Variants in SORCS1 observed in about 807,000 individuals in gnomAD.
SORCS1 encodes sortilin related VPS10 domain containing receptor 1.
SORCS1 carries 60 observed loss-of-function variants against 146.1 expected under a neutral mutation model. The observed-to-expected ratio is 0.41, with a 90% confidence interval of 0.33 to 0.51. SORCS1 has a LOEUF of 0.51. SORCS1 is among the 20% of genes least tolerant of loss of function. The probability of loss-of-function intolerance (pLI) is 0.21; values close to 1 mark genes in which losing one functional copy is unlikely to be tolerated. For missense variants in SORCS1, 1,352 were observed against 1,487.6 expected (o/e 0.91, Z 1.50); for synonymous variants, 637 against 584.0 (o/e 1.09, Z -1.31).
intron 1 of SORCS1, among the ~76,000 whole-genome samples, chr10:107,151,000 G>A (rs1416576087): frequency 1.3e-5 from 2 of 149,310 alleles, no homozygotes; most frequent in East Asian, 3.9e-4. Context: ...CTGAGTAGTG[G>A]GGCACTGCTG....
intron 4 of SORCS1, among the ~76,000 whole-genome samples, chr10:106,768,096 T>C (rs1188553082): frequency 6.6e-6 from 1 of 152,232 alleles, no homozygotes; most frequent in African/African-American, 2.4e-5. Flanking sequence ...TAGGCCTTCC[T>C]TGTTTGCATA....
chr10:107,163,694 C>A (rs1969876969), intron 1 of SORCS1, among the ~76,000 whole-genome samples: 1 of 152,094 alleles, frequency 6.6e-6, no homozygotes, highest in Admixed American at 6.6e-5. Flanking sequence ...CAGTTCCACA[C>A]ACCAATGCGA....
intron 3 of SORCS1, among the ~76,000 whole-genome samples, chr10:106,800,685 C>A (rs11595573): frequency 1.3e-5 from 2 of 151,846 alleles, no homozygotes; most frequent in African/African-American, 4.8e-5. Flanking sequence ...CCACACCCAG[C>A]TAATTTTTTT....
chr10:106,881,139 A>G (rs1950792830), intron 2 of SORCS1, among the ~76,000 whole-genome samples: 1 of 152,008 alleles, frequency 6.6e-6, no homozygotes, highest in Admixed American at 6.5e-5. Flanking sequence ...ACAAAGAGCA[A>G]TGACTTTAGA....
At chr10:107,136,286 T>C (rs181847312) in intron 1 of SORCS1, among the ~76,000 whole-genome samples, 94 of 152,346 alleles carry the variant, frequency 6.2e-4, no homozygotes, top group African/African-American at 2.1e-3. Context: ...ACAAAAGTCC[T>C]GGCTTTCTTC....
At chr10:106,715,093 C>G (rs1855270543) in intron 6 of SORCS1, among the ~76,000 whole-genome samples, 1 of 152,140 alleles carries the variant, frequency 6.6e-6, no homozygotes, top group Non-Finnish European at 1.5e-5. Context: ...AAGAAACTGG[C>G]TGCACTTCAT....
intron 4 of SORCS1, among the ~76,000 whole-genome samples, chr10:106,763,282 T>C (rs984710439): frequency 4.9e-4 from 74 of 152,272 alleles, no homozygotes; most frequent in East Asian, 1.9e-4. Context: ...TGAGGAATTG[T>C]TGGGCGCCAG....
In SORCS1 at chr10:106,944,871, C is replaced by CTTTTTTTTTT. The variant is rs1564838013; in HGVS notation, c.626+11641_626+11642insAAAAAAAAAA. On this transcript the variant is annotated intron_variant, in intron 2 of 25. Coordinates refer to ENST00000263054, the MANE Select transcript of SORCS1 (RefSeq NM_052918.5). ...ATGGTAGAAAGAAGCAAGAAAGAGC[C>CTTTTTTTTTT]TTCTTTTTTTTTTTTTTTTTTTTTT... is the stretch of plus-strand genomic sequence containing the variant. Among the ~76,000 whole-genome samples the CTTTTTTTTTT allele has an allele frequency of 5.0e-3, 304 of 61,014 alleles. 48 individuals carry two copies. The highest frequency in any genetic ancestry group is 0.011 in the African/African-American group (250 of 22,382). 40.0% of individuals were successfully genotyped at this position (61,014 alleles called of 152,430 possible).
intron 4 of SORCS1, among the ~76,000 whole-genome samples, chr10:106,771,955 G>A (rs1265456168): frequency 6.6e-6 from 1 of 152,182 alleles, no homozygotes; most frequent in Non-Finnish European, 1.5e-5. Context: ...AGTGGTGCCT[G>A]GATAGCCACA....
intron 1 of SORCS1, among the ~76,000 whole-genome samples, chr10:107,118,281 G>C (rs7100906): frequency 0.087 from 13,300 of 152,160 alleles, 662 homozygotes; most frequent in African/African-American, 0.15. Flanking sequence ...CTTGATCTTG[G>C]ACTTCCCAGC....
In SORCS1 at chr10:106,863,056, A is replaced by T. The variant is rs1950084597; in HGVS notation, c.627-33383T>A. Among the ~76,000 whole-genome samples, 6 of 152,104 alleles carry T rather than the reference A, an allele frequency of 3.9e-5. No homozygotes were observed. The South Asian group carries it at 1.2e-3, about 32-fold the overall frequency. On this transcript the variant is annotated intron_variant, in intron 2 of 25. Transcript: ENST00000263054. ...AGAAAAAATCTGATAATATTTCTTT[A>T]GAAGTTGATTTCCCCCCAAACAAAC...
chr10:107,122,998 T>C (rs1966492578), intron 1 of SORCS1, among the ~76,000 whole-genome samples: 1 of 150,978 alleles, frequency 6.6e-6, no homozygotes, highest in South Asian at 2.1e-4. Context: ...GAAATCATAT[T>C]CCTCTCCACC....
At position 106,577,448 on chromosome 10, in the gene SORCS1, C is replaced by G; in HGVS notation, c.3479G>C (p.Gly1160Ala). ...HATPPSTPKRGSAGAQYAI is the reference protein window; with the variant it reads ...HATPPSTPKRASAGAQYAI ...AATTGCATACTGTGCCCCAGCAGAT[C>G]CCCGCTTTGGCGTTGAAGGCGGAGT... The change falls in exon 26 of 26, where the codon GGA becomes GCA. Residue 1160 changes from glycine (G) to alanine (A), a missense_variant. Coordinates refer to ENST00000263054, the MANE Select transcript of SORCS1 (RefSeq NM_052918.5). 6.2e-7 allele frequency: 1 copy of G among 1,614,042 alleles called. No individual in the cohort carries two copies. Among genetic ancestry groups the G allele is most frequent in the Non-Finnish European group, 8.5e-7 (1 of 1,179,932 alleles).
intron 23 of SORCS1, among the ~76,000 whole-genome samples, chr10:106,606,580 G>A (rs1451882945): frequency 6.6e-5 from 10 of 151,932 alleles, no homozygotes; most frequent in Non-Finnish European, 8.8e-5. Flanking sequence ...TTTTTGTGTT[G>A]GTATACATAG....
intron 24 of SORCS1, among the ~76,000 whole-genome samples, chr10:106,593,479 G>A (rs1845733915): frequency 6.6e-6 from 1 of 152,158 alleles, no homozygotes. Flanking sequence ...GACCAGCATA[G>A]CCAAACTCAA....
intron 1 of SORCS1, among the ~76,000 whole-genome samples, chr10:106,990,713 C>T (rs1956730657): frequency 6.6e-6 from 1 of 152,194 alleles, no homozygotes; most frequent in African/African-American, 2.4e-5. Context: ...ACCTTCACAT[C>T]TCCCATTTTC....
chr10:106,669,146 A>G (rs17121163), intron 16 of SORCS1, among the ~76,000 whole-genome samples: 29,379 of 151,858 alleles, frequency 0.19, 3,436 homozygotes, highest in African/African-American at 0.32. Flanking sequence ...TTGGGCCAAG[A>G]CTAAGGGGCA....
chr10:107,050,816 C>G (rs774366157), intron 1 of SORCS1, among the ~76,000 whole-genome samples: 1 of 152,150 alleles, frequency 6.6e-6, no homozygotes, highest in Non-Finnish European at 1.5e-5. Context: ...AAGCTCTCTA[C>G]TATGTCAAAG....
intron 22 of SORCS1, among the ~76,000 whole-genome samples, chr10:106,611,638 T>A (rs1477679497): frequency 2.6e-5 from 4 of 152,190 alleles, no homozygotes. Context: ...TAGGATGTAC[T>A]TGTCCTCCTT....
Sources: gnomAD v4.1 joint callset for allele counts (sites outside exome capture counted in the v4.1 genomes callset) on GRCh38, gnomAD v4.1.1 for gene constraint, MANE v1.5 for transcripts, NCBI Gene and HGNC (gene_info 2026-07-23, HGNC 2026-07-21) for gene names.